Variants in CCDC6 observed in about 807,000 individuals in gnomAD.
CCDC6 encodes coiled-coil domain-containing protein 6.
CCDC6 carries 20 observed loss-of-function variants against 56.6 expected under a neutral mutation model. The ratio of observed to expected loss-of-function variants is 0.35; its 90% CI spans 0.25 to 0.51. CCDC6 has a LOEUF of 0.51. CCDC6 is among the 20% of genes least tolerant of loss of function. The probability of loss-of-function intolerance (pLI) is 0.95; values close to 1 mark genes in which losing one functional copy is unlikely to be tolerated. For missense variants in CCDC6, 367 were observed against 601.1 expected (o/e 0.61, Z 4.07); for synonymous variants, 241 against 234.4 (o/e 1.03, Z -0.26).
At chr10:59,885,680 T>A (rs1451902993) in intron 1 of CCDC6, among the ~76,000 whole-genome samples, 1 of 152,160 alleles carries the variant, frequency 6.6e-6, no homozygotes, top group Non-Finnish European at 1.5e-5. Flanking sequence ...ATTTTTTGCA[T>A]AGCCTCTTCC....
chr10:59,896,148 A>G (rs1331286356), intron 1 of CCDC6, among the ~76,000 whole-genome samples: 1 of 152,256 alleles, frequency 6.6e-6, no homozygotes, highest in Admixed American at 6.5e-5. Flanking sequence ...TTTCCCTGTA[A>G]TAAACTGTAC....
Position 59,906,494 on chromosome 10 carries a change from T to TGAGTGGGCGCCGGGCGAGCAC in CCDC6, c.-91_-71dup, listed in dbSNP as rs1321159520. ...GCGGCGACGAAGGCCGGGCTGCGAA[T>TGAGTGGGCGCCGGGCGAGCAC]GAGTGGGCGCCGGGCGAGCACAGGG... On this transcript the variant is annotated 5_prime_UTR_variant, in exon 1 of 9. Transcript: ENST00000263102. 1.5e-6 allele frequency: 2 copies of TGAGTGGGCGCCGGGCGAGCAC among 1,327,296 alleles called. No individual in the cohort carries two copies. The highest frequency in any genetic ancestry group is 1.6e-5 in the African/African-American group (1 of 64,360). The allele number at this position is 1,327,296 out of a possible 1,614,324, so 82.2% of individuals were successfully genotyped here.
intron 1 of CCDC6, among the ~76,000 whole-genome samples, chr10:59,885,096 A>C (rs528485002): frequency 5.9e-5 from 9 of 151,562 alleles, no homozygotes; most frequent in African/African-American, 2.2e-4. Context: ...GAAAGAAAGG[A>C]AGGAAGGAAG....
intron 1 of CCDC6, among the ~76,000 whole-genome samples, chr10:59,862,760 T>C (rs955149115): frequency 2.6e-5 from 4 of 152,028 alleles, no homozygotes; most frequent in Admixed American, 1.3e-4. Flanking sequence ...ATATCAAGTG[T>C]TGACAAGTAT....
At chr10:59,870,759 C>G (rs925823008) in intron 1 of CCDC6, among the ~76,000 whole-genome samples, 3 of 152,142 alleles carry the variant, frequency 2.0e-5, no homozygotes, top group African/African-American at 7.2e-5. Context: ...AGGCTGGAAT[C>G]GAACTAGAAG....
At chr10:59,856,220 A>C (rs1394506565) in intron 1 of CCDC6, among the ~76,000 whole-genome samples, 1 of 152,162 alleles carries the variant, frequency 6.6e-6, no homozygotes, top group Non-Finnish European at 1.5e-5. Flanking sequence ...CATCAGTACA[A>C]GATTTCCAGG....
chr10:59,841,493 C>T (rs1399335630), intron 2 of CCDC6, among the ~76,000 whole-genome samples: 11 of 152,010 alleles, frequency 7.2e-5, no homozygotes, highest in Non-Finnish European at 1.6e-4. Context: ...ATTCTAATCA[C>T]TTACCTGTAG....
intron 7 of CCDC6, among the ~76,000 whole-genome samples, chr10:59,795,580 G>A (rs921945472): frequency 5.3e-5 from 8 of 151,162 alleles, no homozygotes; most frequent in East Asian, 3.9e-4. Context: ...CCATTAACTC[G>A]TTATTTAGCA....
chr10:59,865,251 G>A (rs763486390), intron 1 of CCDC6, among the ~76,000 whole-genome samples: 2 of 152,122 alleles, frequency 1.3e-5, no homozygotes, highest in Non-Finnish European at 2.9e-5. Context: ...GAAAACCTGC[G>A]GTGTTTCTCA....
chr10:59,820,390 G>A (rs2070740556), intron 3 of CCDC6, among the ~76,000 whole-genome samples: 1 of 152,142 alleles, frequency 6.6e-6, no homozygotes, highest in African/African-American at 2.4e-5. Flanking sequence ...ATTACTATGG[G>A]AAAATCTGTT....
chr10:59,843,145 G>A (rs747247844), intron 2 of CCDC6, among the ~76,000 whole-genome samples: 8 of 151,962 alleles, frequency 5.3e-5, no homozygotes, highest in Admixed American at 2.0e-4. Context: ...CTCAGCCTCC[G>A]AAAGTGTTGG....
At chr10:59,897,483 G>A (rs1010343596) in intron 1 of CCDC6, among the ~76,000 whole-genome samples, 3 of 152,036 alleles carry the variant, frequency 2.0e-5, no homozygotes, top group Admixed American at 6.6e-5. Flanking sequence ...TCAAACTCCC[G>A]ACCTCAGGTG....
At chr10:59,810,287 T>C (rs968157744) in intron 5 of CCDC6, among the ~76,000 whole-genome samples, 2 of 152,210 alleles carry the variant, frequency 1.3e-5, no homozygotes, top group African/African-American at 4.8e-5. Flanking sequence ...ATCCAATCAC[T>C]GCAAGCAGCT....
At chr10:59,799,932 C>T (rs541273411) in intron 7 of CCDC6, among the ~76,000 whole-genome samples, 19 of 152,228 alleles carry the variant, frequency 1.2e-4, no homozygotes, top group African/African-American at 4.6e-4. Context: ...TTGAGAGTGC[C>T]TGGAAAAAGT....
At chr10:59,822,682 C>T (rs1295300775) in intron 3 of CCDC6, among the ~76,000 whole-genome samples, 2 of 152,050 alleles carry the variant, frequency 1.3e-5, no homozygotes, top group Non-Finnish European at 2.9e-5. Flanking sequence ...ACTGCTTGAA[C>T]CGAGGAATTT....
intron 5 of CCDC6, among the ~76,000 whole-genome samples, chr10:59,809,672 C>A (rs1399546275): frequency 6.6e-6 from 1 of 152,216 alleles, no homozygotes; most frequent in Non-Finnish European, 1.5e-5. Context: ...AGGTCTACAG[C>A]CATCTCCCAA....
rs1249746895 is a variant in CCDC6, at chr10:59,814,764, AG to A, written c.583-10del. On this transcript the variant is annotated splice_polypyrimidine_tract_variant and intron_variant, in intron 3 of 8. Transcript: ENST00000263102. ...ATCTTCTCCCGTCTCAACTAAAGGA[AG>A]GAAAAAAGTGTTACCAAAGTGTCAG... 1 of 1,576,044 alleles carries A rather than the reference AG, an allele frequency of 6.3e-7. No homozygotes were observed. The highest frequency in any genetic ancestry group is 8.7e-7 in the Non-Finnish European group (1 of 1,145,602).
intron 5 of CCDC6, 22 bp from the exon 6 acceptor site, chr10:59,807,100 T>C (rs2070631763): frequency 2.5e-6 from 4 of 1,609,908 alleles, no homozygotes; most frequent in South Asian, 1.1e-5. Context: ...GAGTTTTCAA[T>C]TAAACCATGT....
At position 59,792,695 on chromosome 10, in the gene CCDC6, T is replaced by C. The variant is rs1432442905; in HGVS notation, c.*222A>G. 5.3e-6 allele frequency: 4 copies of C among 759,006 alleles called. No homozygotes were observed. Among genetic ancestry groups the C allele is most frequent in the Middle Eastern group, 2.3e-4 (1 of 4,400 alleles). The allele number at this position is 759,006 out of a possible 1,614,324, so 47.0% of individuals were successfully genotyped here. On this transcript the variant is annotated 3_prime_UTR_variant, in exon 9 of 9. Coordinates refer to ENST00000263102, the MANE Select transcript of CCDC6 (RefSeq NM_005436.5). Reference sequence around the variant, plus strand: ...GCCAGGGAATGGACGTACATGAAGATTCAAGTAAAACACTGATGGAAAAAG... The same window carrying C: ...GCCAGGGAATGGACGTACATGAAGACTCAAGTAAAACACTGATGGAAAAAG...
Sources: gnomAD v4.1 joint callset for allele counts (sites outside exome capture counted in the v4.1 genomes callset) on GRCh38, gnomAD v4.1.1 for gene constraint, MANE v1.5 for transcripts, NCBI Gene and HGNC (gene_info 2026-07-23, HGNC 2026-07-21) for gene names.